SPIRE2: variants seen among roughly 807,000 people sequenced by gnomAD.
SPIRE2 encodes protein spire homolog 2.
Under a neutral mutation model 80.7 loss-of-function variants are expected in SPIRE2, and 76 were observed. The observed-to-expected ratio is 0.94, with a 90% CI of 0.78 to 1.14. SPIRE2 has a LOEUF of 1.14. Ranked by LOEUF, SPIRE2 falls within the 50% of genes most tolerant of loss-of-function variation. SPIRE2 has a pLI of 0.00. For synonymous variants in SPIRE2, 535 were observed against 432.6 expected (o/e 1.24, Z -2.94); for missense variants, 1,196 against 1,015.3 (o/e 1.18, Z -2.42).
chr16:89,867,054 C>T (rs2041795787), intron 12 of SPIRE2, among the ~76,000 whole-genome samples: 1 of 152,144 alleles, frequency 6.6e-6, no homozygotes, highest in Non-Finnish European at 1.5e-5. Context: ...CAGGTACACA[C>T]CAATGTCTAC....
At chr16:89,869,761 C>A in intron 14 of SPIRE2, 79 bp downstream of exon 14, 1 of 1,083,648 alleles carries the variant, frequency 9.2e-7, no homozygotes. Flanking sequence ...GTGGAGGGGG[C>A]TGGCTTTGTC....
At chr16:89,838,437 G>T (rs551849518) in intron 1 of SPIRE2, among the ~76,000 whole-genome samples, 3 of 152,154 alleles carry the variant, frequency 2.0e-5, no homozygotes, top group African/African-American at 7.2e-5. Context: ...GCCTGCCTCG[G>T]CCTCCCAAAG....
chr16:89,855,735 T>C (rs764759344), intron 6 of SPIRE2, 49 bp downstream of exon 6: 6 of 1,576,498 alleles, frequency 3.8e-6, no homozygotes, highest in Non-Finnish European at 4.3e-6. Flanking sequence ...GGCCTGGTGC[T>C]GTCCTGTAGC....
intron 3 of SPIRE2, 73 bp from the exon 4 acceptor site, chr16:89,854,213 C>A: frequency 7.0e-7 from 1 of 1,421,556 alleles, no homozygotes; most frequent in Non-Finnish European, 9.7e-7. Context: ...GGTCGTGTCC[C>A]TGACGGACGG....
rs71137685 is a variant in SPIRE2 at position 89,867,587 on chromosome 16, AT to A, written c.1779-587del. 1.8e-3 allele frequency among the ~76,000 whole-genome samples: 257 copies of A among 139,476 alleles called. 1 individual carries two copies. The highest frequency in any genetic ancestry group is 2.1e-3 in the Non-Finnish European group (132 of 64,136). 91.5% of individuals were successfully genotyped at this position (139,476 alleles called of 152,430 possible). On this transcript the variant is annotated intron_variant, in intron 12 of 14. Coordinates refer to ENST00000378247, the MANE Select transcript of SPIRE2 (RefSeq NM_032451.2). ...CTGCTTAAGAGGGACTTTTACCACC[AT>A]TTTTTTTTTTTTTTGAGACAGAGTT... is the stretch of plus-strand genomic sequence containing the variant.
At chr16:89,849,874 G>T (rs2041604606) in intron 2 of SPIRE2, 2 of 277,836 alleles carry the variant, frequency 7.2e-6, no homozygotes, top group Non-Finnish European at 1.4e-5. Context: ...GTCTTGCTTT[G>T]TCACCCAGGC....
At chr16:89,845,174 A>G in intron 1 of SPIRE2, 148 bp from the exon 2 acceptor site, 4 of 732,844 alleles carry the variant, frequency 5.5e-6, no homozygotes, top group South Asian at 1.6e-5. Context: ...CCAAATGACC[A>G]AGTGGCTGGG....
intron 12 of SPIRE2, among the ~76,000 whole-genome samples, chr16:89,866,420 C>T (rs2041789533): frequency 6.6e-6 from 1 of 152,076 alleles, no homozygotes; most frequent in Non-Finnish European, 1.5e-5. Flanking sequence ...GCCTCAGCCT[C>T]CTGAGTAGCT....
At position 89,863,979 on chromosome 16, in the gene SPIRE2, G is replaced by A; in HGVS notation, c.1778+118G>A. 1.4e-6 allele frequency: 1 copy of A among 701,676 alleles called. No individual in the cohort carries two copies. The highest frequency in any genetic ancestry group is 2.5e-6 in the Non-Finnish European group (1 of 402,742). 43.5% of individuals were successfully genotyped at this position (701,676 alleles called of 1,614,324 possible). On this transcript the variant is annotated intron_variant, in intron 12 of 14. Transcript: ENST00000378247. This position sits in a 1 kb window ranked among gnomAD's most constrained non-coding sequence, Gnocchi z 4.3. ...GAATGTTCTAGCATGTTCGATGGCT[G>A]ATGAGTCCACAAGATATGGTTAGTA... is the stretch of plus-strand genomic sequence containing the variant.
At chr16:89,857,162 G>T (rs1274211391) in intron 7 of SPIRE2, among the ~76,000 whole-genome samples, 1 of 145,238 alleles carries the variant, frequency 6.9e-6, no homozygotes, top group African/African-American at 2.6e-5. Context: ...TTTGAGATAG[G>T]GTATCACTCT....
chr16:89,850,245 C>T (rs566306526), intron 2 of SPIRE2, 59 bp from the exon 3 acceptor site: 36 of 1,483,656 alleles, frequency 2.4e-5, no homozygotes, highest in Non-Finnish European at 2.9e-5. Flanking sequence ...CCACCAGCCG[C>T]GTTCTCCCCG....
In SPIRE2 at chr16:89,870,646, G is replaced by A. The variant is rs570389024; in HGVS notation, c.*374G>A. On this transcript the variant is annotated 3_prime_UTR_variant, in exon 15 of 15. Transcript: ENST00000378247. ...CGGCAGTTTCCCTTCCCCAGTGGAC[G>A]TCTAGGTGGGGACAGGGTATCTTGG... 4 of 190,154 alleles carry A rather than the reference G, an allele frequency of 2.1e-5. No homozygotes were observed. The South Asian group carries it at 3.7e-4, about 18-fold the overall frequency. The allele number at this position is 190,154 out of a possible 1,614,324, so 11.8% of individuals were successfully genotyped here. A position where few individuals can be genotyped will look rare whatever the true frequency, so the allele number is the denominator to read the frequency against.
At chr16:89,866,112 G>A (rs750072961) in intron 12 of SPIRE2, among the ~76,000 whole-genome samples, 41 of 148,748 alleles carry the variant, frequency 2.8e-4, no homozygotes, top group Non-Finnish European at 4.9e-4. Flanking sequence ...CGGTGTCACT[G>A]CACTCCAGCC....
chr16:89,859,279 C>A lies in SPIRE2; in HGVS notation c.1387C>A (p.Pro463Thr). 1 of 1,605,274 alleles carries A rather than the reference C, an allele frequency of 6.2e-7. No homozygotes were observed. The highest frequency in any genetic ancestry group is 8.5e-7 in the Non-Finnish European group (1 of 1,178,418). ...CTCTGGCCTGCAGTCGGCCACCCAC[C>A]CCCCAGGAGGGACGGAGCCACCACG... is the stretch of plus-strand genomic sequence containing the variant. The part of the protein sequence containing the change: ...VASGLQSATH[P>T]PGGTEPPRPR... The change falls in exon 9 of 15, where the codon CCC becomes ACC. Residue 463 changes from proline (P) to threonine (T), a missense_variant. By Grantham distance (38) the Pro-to-Thr change is conservative. Transcript: ENST00000378247.
At chr16:89,832,534 T>A (rs1193121116) in intron 1 of SPIRE2, among the ~76,000 whole-genome samples, 2 of 152,044 alleles carry the variant, frequency 1.3e-5, no homozygotes, top group Non-Finnish European at 2.9e-5. Flanking sequence ...AATGCGTTCC[T>A]TAAACCAGGT....
chr16:89,866,049 T>A (rs918758774), intron 12 of SPIRE2, among the ~76,000 whole-genome samples: 1 of 149,430 alleles, frequency 6.7e-6, no homozygotes, highest in Non-Finnish European at 1.5e-5. Flanking sequence ...TTTGGGAGGC[T>A]GAGGTGGGAG....
chr16:89,870,052 C>T lies in SPIRE2; in HGVS notation c.1925C>T (p.Ser642Phe). 1 of 1,611,938 alleles carries T rather than the reference C, an allele frequency of 6.2e-7. No individual in the cohort carries two copies. The highest frequency in any genetic ancestry group is 8.5e-7 in the Non-Finnish European group (1 of 1,179,648). The change falls in exon 15 of 15, where the codon TCT becomes TTT. Residue 642 changes from serine (S) to phenylalanine (F), a missense_variant and splice_region_variant. Ser to Phe is a radical substitution (Grantham distance 155, BLOSUM62 -2). Transcript: ENST00000378247. Reference sequence around the variant, plus strand: ...GAGTGCCCTCTCCCACTTCCCAGGTCTCTGCAAGGGCCACAGTGGCAGAGC... The same window carrying T: ...GAGTGCCCTCTCCCACTTCCCAGGTTTCTGCAAGGGCCACAGTGGCAGAGC... ...APIQRRDIFQ[S>F]LQGPQWQSVE...
In SPIRE2 at chr16:89,859,283, C is replaced by G. The variant is rs148431869; in HGVS notation, c.1391C>G (p.Pro464Arg). 1.9e-6 allele frequency: 3 copies of G among 1,604,592 alleles called. No homozygotes were observed. In the Admixed American group the frequency reaches 5.0e-5, roughly 27 times the overall value. Reference protein sequence around the residue: ...ASGLQSATHPPGGTEPPRPRA... With the variant: ...ASGLQSATHPRGGTEPPRPRA... ...GGCCTGCAGTCGGCCACCCACCCCC[C>G]AGGAGGGACGGAGCCACCACGGCCC... The change falls in exon 9 of 15, where the codon CCA (proline) becomes CGA (arginine). Residue 464 changes from proline (P) to arginine (R), a missense_variant. Coordinates refer to ENST00000378247, the MANE Select transcript of SPIRE2 (RefSeq NM_032451.2).
rs1172664009 is a variant in SPIRE2, at chr16:89,836,762, C to T, written c.244+7968C>T. On this transcript the variant is annotated intron_variant, in intron 1 of 14. Transcript: ENST00000378247. ...TGGGAGGCCAAGGCAGGCGGATCAC[C>T]TGAGGTCGGGAGTTCGAGACCAGCC... Among the ~76,000 whole-genome samples the T allele has an allele frequency of 2.6e-5, 4 of 151,272 alleles. No homozygotes were observed. The South Asian group carries it at 8.4e-4, about 32-fold the overall frequency.
Sources: gnomAD v4.1 joint callset for allele counts (sites outside exome capture counted in the v4.1 genomes callset) on GRCh38, gnomAD v4.1.1 for gene constraint, Gnocchi (gnomAD v3.1) non-coding constraint, MANE v1.5 for transcripts, NCBI Gene and HGNC (gene_info 2026-07-23, HGNC 2026-07-21) for gene names.